BEST1: variants seen among roughly 807,000 people sequenced by gnomAD.
BEST1 encodes bestrophin 1, also known as bestrophin-1.
In BEST1, 58 loss-of-function variants were observed where a neutral mutation model predicts 63.3. The observed-to-expected ratio is 0.92, with a 90% confidence interval of 0.74 to 1.14. The LOEUF is 1.14. Among genes scored for constraint, BEST1 ranks in the 50% most tolerant of loss-of-function variants. BEST1 has a pLI of 0.00. For synonymous variants in BEST1, 283 were observed against 291.6 expected (o/e 0.97, Z 0.30); for missense variants, 671 against 740.1 (o/e 0.91, Z 1.08).
intron 2 of BEST1, 139 bp downstream of exon 2, chr11:61,952,097 G>A (rs894539239): frequency 1.8e-5 from 20 of 1,109,036 alleles, no homozygotes; most frequent in Non-Finnish European, 2.7e-5. Context: ...CCAGGTCCTG[G>A]GCACTGGAGC....
In BEST1 at chr11:61,962,107, G is replaced by C. The variant is rs1045310191; in HGVS notation, c.1101-148G>C. 11 of 771,278 alleles carry C rather than the reference G, an allele frequency of 1.4e-5. No homozygotes were observed. The Admixed American group carries it at 2.1e-4, about 15-fold the overall frequency. 47.8% of individuals were successfully genotyped at this position (771,278 alleles called of 1,614,324 possible). On this transcript the variant is annotated intron_variant, in intron 9 of 10. Coordinates refer to ENST00000378043, the MANE Select transcript of BEST1 (RefSeq NM_004183.4). ...CCGGGAGGTACAGGACAGATCAGGA[G>C]AGAGGTGAGAGCTGGGGCATGGTGA...
intron 3 of BEST1, 100 bp downstream of exon 3, chr11:61,955,301 G>C (rs1159923891): frequency 1.6e-5 from 26 of 1,586,912 alleles, no homozygotes; most frequent in South Asian, 2.3e-5. Context: ...GGCTGGGGAG[G>C]GGGCGGGGGA....
chr11:61,955,568 C>A, intron 3 of BEST1, 150 bp from the exon 4 acceptor site: 1 of 1,041,118 alleles, frequency 9.6e-7, no homozygotes, highest in Non-Finnish European at 1.4e-6. Context: ...CTCTGCCTGC[C>A]TCTCGCTCCC....
At chr11:61,953,766 C>T (rs1940969534) in intron 2 of BEST1, among the ~76,000 whole-genome samples, 1 of 151,864 alleles carries the variant, frequency 6.6e-6, no homozygotes, top group African/African-American at 2.4e-5. Flanking sequence ...CCTGTAGTCC[C>T]ACCCAGCTCC....
At position 61,964,261 on chromosome 11, in the gene BEST1, TAATAGATAAA is replaced by T; in HGVS notation, c.*143_*152del. 6.7e-7 allele frequency: 1 copy of T among 1,503,508 alleles called. No homozygotes were observed. The highest frequency in any genetic ancestry group is 1.2e-5 in the South Asian group (1 of 82,282). 93.1% of individuals were successfully genotyped at this position (1,503,508 alleles called of 1,614,324 possible). On this transcript the variant is annotated 3_prime_UTR_variant, in exon 11 of 11. Coordinates refer to ENST00000378043, the MANE Select transcript of BEST1 (RefSeq NM_004183.4). The stretch of plus-strand genomic sequence containing the variant: ...AACAGCCTGAATCAAATGGTTAGCT[TAATAGATAAA>T]AATCCCAGACTACTTCAGCCTTTAA...
chr11:61,958,532 C>T, intron 7 of BEST1: 2 of 1,057,634 alleles, frequency 1.9e-6, no homozygotes, highest in South Asian at 1.4e-5. Context: ...TGCACTCCAG[C>T]CTGGGCAAAA....
At position 61,962,807 on chromosome 11, in the gene BEST1, C is replaced by T. The variant is rs1479798000; in HGVS notation, c.1653C>T (p.His551=). The T allele has an allele frequency of 3.7e-6, 6 of 1,614,082 alleles. No homozygotes were observed. The African/African-American group carries it at 4.0e-5, about 11-fold the overall frequency. The change falls in exon 10 of 11, where the codon CAC becomes CAT. Residue 551 remains histidine (H), a synonymous_variant. Coordinates refer to ENST00000378043, the MANE Select transcript of BEST1 (RefSeq NM_004183.4). ...ATATGCCAGAGATCCCCGAAAATCA[C>T]CTCAAAGAACCTTTGGAACAATCAC... ...LTDMPEIPEN[H]LKEPLEQSPT...
rs281865213 is a variant in BEST1, at chr11:61,951,878, G to A, written c.72G>A (p.Trp24Ter). The A allele has an allele frequency of 2.5e-6, 4 of 1,613,404 alleles. No homozygotes were observed. The highest frequency in any genetic ancestry group is 3.4e-6 in the Non-Finnish European group (4 of 1,179,954). ...LGSFSRLLLC[W>*]RGSIYKLLYG... ...CCTTCTCCCGCCTGCTGCTGTGCTG[G>A]CGGGGCAGCATCTACAAGCTGCTAT... The change falls in exon 2 of 11, where the codon TGG (tryptophan) becomes TGA (stop). Residue 24 changes from tryptophan to a stop codon, truncating the protein, a stop_gained. Coordinates refer to ENST00000378043, the MANE Select transcript of BEST1 (RefSeq NM_004183.4). LOFTEE classifies it high-confidence loss of function.
In BEST1 at chr11:61,962,963, C is replaced by T. The variant is rs767183220; in HGVS notation, c.1739+70C>T. ...CCACCCCAGCTTCCCTTGCTCTGAG[C>T]CTACCCTTCCTCCACAATTTCCTAG... On this transcript the variant is annotated intron_variant, in intron 10 of 10. Coordinates refer to ENST00000378043, the MANE Select transcript of BEST1 (RefSeq NM_004183.4). 3.1e-6 allele frequency: 5 copies of T among 1,612,824 alleles called. No individual in the cohort carries two copies. The African/African-American group carries it at 5.3e-5, about 17-fold the overall frequency.
chr11:61,965,044 AT>A, downstream of BEST1: 3 of 1,612,808 alleles, frequency 1.9e-6, no homozygotes. Flanking sequence ...ACTGATTCAC[AT>A]TTTTTTCCAA....
At chr11:61,963,216 GAT>G (rs1264207382) in intron 10 of BEST1, 1 of 1,408,512 alleles carries the variant, frequency 7.1e-7, no homozygotes, top group African/African-American at 1.4e-5. Flanking sequence ...TAGCTGAGCA[GAT>G]GTTATCACTG....
At chr11:61,959,399 G>A (rs195158) in intron 7 of BEST1, 99 bp from the exon 8 acceptor site, 5 of 1,188,104 alleles carry the variant, frequency 4.2e-6, no homozygotes, top group Non-Finnish European at 6.2e-6. Context: ...CAGGAAGGGC[G>A]TCATGGGGTG....
Position 61,962,893 on chromosome 11 carries a change from G to A in BEST1, c.1739G>A (p.Arg580Lys). 1.2e-6 allele frequency: 2 copies of A among 1,614,164 alleles called. No individual in the cohort carries two copies. Among genetic ancestry groups the A allele is most frequent in the Non-Finnish European group, 1.7e-6 (2 of 1,180,032 alleles). The change falls in exon 10 of 11, where the codon AGG (arginine) becomes AAG (lysine). Residue 580 changes from arginine (R) to lysine (K), a missense_variant and splice_region_variant. Coordinates refer to ENST00000378043, the MANE Select transcript of BEST1 (RefSeq NM_004183.4). ...HMDPYWALEN[R>K]DEAHS ...GATCCTTATTGGGCCTTGGAAAACA[G>A]GTCTGTCCTCCACCTGAACCAGGGG...
intron 4 of BEST1, among the ~76,000 whole-genome samples, chr11:61,956,258 C>T (rs1941346778): frequency 6.6e-6 from 1 of 152,080 alleles, no homozygotes; most frequent in African/African-American, 2.4e-5. Flanking sequence ...GTCTACTTCC[C>T]TCTGCCCTTG....
chr11:61,958,778 CTTCT>C (rs972778049), intron 7 of BEST1: 4 of 336,566 alleles, frequency 1.2e-5, no homozygotes, highest in African/African-American at 8.6e-5. Flanking sequence ...TCTTTCCTTC[CTTCT>C]GTTGCCCACC....
intron 2 of BEST1, among the ~76,000 whole-genome samples, 156 bp downstream of exon 2, chr11:61,952,114 TGGGGCTG>T (rs916702695): frequency 1.6e-4 from 24 of 151,924 alleles, no homozygotes; most frequent in Non-Finnish European, 2.9e-4. Context: ...GAGCTGAGGC[TGGGGCTG>T]GGGGCTGGGG....
At chr11:61,964,498 A>T, downstream of BEST1, 1 of 632,152 alleles carries the variant, frequency 1.6e-6, no homozygotes, top group East Asian at 2.8e-5. Context: ...GAACAACGGC[A>T]CTTAAGGAAT....
rs1565047812 is a variant in BEST1 at position 61,964,310 on chromosome 11, TA to T, written c.*193del. 8.7e-7 allele frequency: 1 copy of T among 1,147,596 alleles called. No individual in the cohort carries two copies. Among genetic ancestry groups the T allele is most frequent in the East Asian group, 2.6e-5 (1 of 39,106 alleles). The allele number at this position is 1,147,596 out of a possible 1,614,324, so 71.1% of individuals were successfully genotyped here. On this transcript the variant is annotated 3_prime_UTR_variant, in exon 11 of 11. Coordinates refer to ENST00000378043, the MANE Select transcript of BEST1 (RefSeq NM_004183.4). ...TTCAGCCTTTAATGCCTTTTATTCA[TA>T]AAAACTGTGAAAGCTAGACTGAACC...
chr11:61,964,187 T>A lies in BEST1; in HGVS notation c.*65T>A, dbSNP rs1252706862. 1.9e-5 allele frequency: 30 copies of A among 1,611,516 alleles called. No homozygotes were observed. In the South Asian group the frequency reaches 3.2e-4, roughly 17 times the overall value. ...ACCTGTGTGTACACCAGCAGGACAC[T>A]GATCCAGTCACAGCCATACAGCTGT... On this transcript the variant is annotated 3_prime_UTR_variant, in exon 11 of 11. Coordinates refer to ENST00000378043, the MANE Select transcript of BEST1 (RefSeq NM_004183.4).
Sources: gnomAD v4.1 joint callset for allele counts (sites outside exome capture counted in the v4.1 genomes callset) on GRCh38, gnomAD v4.1.1 for gene constraint, MANE v1.5 for transcripts, NCBI Gene and HGNC (gene_info 2026-07-23, HGNC 2026-07-21) for gene names.